Variants in NAPA observed in about 807,000 individuals in gnomAD.
The protein encoded by NAPA is NSF attachment protein alpha.
NAPA carries 18 observed loss-of-function variants against 48.0 expected under a neutral mutation model. That is an observed-to-expected ratio of 0.38 (90% CI 0.26 to 0.56). NAPA has a LOEUF of 0.56. Ranked by LOEUF, NAPA falls within the 20% of genes least tolerant of loss-of-function variation. The pLI, the probability that NAPA is intolerant of heterozygous loss-of-function variation, is 0.77. For missense variants in NAPA, 315 were observed against 385.0 expected, an observed-to-expected ratio of 0.82 and a Z score of 1.52; for synonymous variants, 152 against 149.9, an observed-to-expected ratio of 1.01 and a Z score of -0.10.
chr19:47,491,586 T>C (rs1367276213), intron 8 of NAPA: 2 of 158,616 alleles, frequency 1.3e-5, no homozygotes, highest in Admixed American at 6.2e-5. Context: ...TAGGTGGGCA[T>C]GTGTGAGCTA....
downstream of NAPA, among the ~76,000 whole-genome samples, chr19:47,486,201 A>G (rs141850389): frequency 3.1e-3 from 477 of 152,240 alleles, 1 homozygote; most frequent in African/African-American, 0.011. Flanking sequence ...CTAAAAATAC[A>G]AAAATTAGCT....
At chr19:47,508,372 C>T (rs954295600) in intron 1 of NAPA, among the ~76,000 whole-genome samples, 6 of 152,230 alleles carry the variant, frequency 3.9e-5, no homozygotes, top group Non-Finnish European at 7.3e-5. Flanking sequence ...AGCTGCCTCC[C>T]GCCACTCTGC....
rs1297777479 is a variant in NAPA at position 47,493,433 on chromosome 19, ACT to A, written c.401_402del (p.Glu134ValfsTer49). 1 of 1,613,660 alleles carries A rather than the reference ACT, an allele frequency of 6.2e-7. No homozygotes were observed. The highest frequency in any genetic ancestry group is 2.2e-5 in the East Asian group (1 of 44,844). On this transcript the variant is annotated frameshift_variant, in exon 5 of 11. Coordinates refer to ENST00000263354, the MANE Select transcript of NAPA (RefSeq NM_003827.4). LOFTEE classifies it high-confidence loss of function. This position sits in a 1 kb window ranked among gnomAD's most constrained non-coding sequence, Gnocchi z 6.4. ...HISIAEIYETELVDIEKAIAH... is the reference protein window; with the variant it reads ...HISIAEIYETXLVDIEKAIAH... ...CCACTCACCTTCTCGATGTCCACCA[ACT>A]CTGTCTCATAGATCTCAGCAATGGA...
In NAPA at chr19:47,493,213, G is replaced by A; in HGVS notation, c.421-39C>T. On this transcript the variant is annotated intron_variant, in intron 5 of 10. Coordinates refer to ENST00000263354, the MANE Select transcript of NAPA (RefSeq NM_003827.4). The surrounding 1 kb of genome is among the most constrained non-coding windows in gnomAD (Gnocchi z 6.4). ...GGGGATGGGTTCCAGGGGAGGGCAG[G>A]GAAGGGAGAGGAGGCCTCCGTGAAG... The A allele has an allele frequency of 6.4e-7, 1 of 1,558,076 alleles. No individual in the cohort carries two copies. The highest frequency in any genetic ancestry group is 8.7e-7 in the Non-Finnish European group (1 of 1,146,480).
rs763610228 is a variant in NAPA at position 47,493,103 on chromosome 19, G to C, written c.476+16C>G. The C allele has an allele frequency of 1.2e-6, 2 of 1,613,914 alleles. No homozygotes were observed. The highest frequency in any genetic ancestry group is 3.3e-5 in the Admixed American group (2 of 60,014). ...GGCGGTCCCTGCGGGGCTGGGGCAG[G>C]CAGGAAGGGGGCTACCTGTTGGACT... On this transcript the variant is annotated intron_variant, in intron 6 of 10. Coordinates refer to ENST00000263354, the MANE Select transcript of NAPA (RefSeq NM_003827.4). This position sits in a 1 kb window ranked among gnomAD's most constrained non-coding sequence, Gnocchi z 6.4.
chr19:47,497,837 A>G (rs1023606314), intron 3 of NAPA, among the ~76,000 whole-genome samples: 1 of 152,274 alleles, frequency 6.6e-6, no homozygotes, highest in Non-Finnish European at 1.5e-5. Flanking sequence ...GGTACACAGT[A>G]GAAACCCAGT....
chr19:47,486,387 G>A (rs1390751948), downstream of NAPA, among the ~76,000 whole-genome samples: 1 of 152,038 alleles, frequency 6.6e-6, no homozygotes, highest in Non-Finnish European at 1.5e-5. Context: ...CCCCCAAAGG[G>A]TAGGAAACCT....
chr19:47,498,936 T>C (rs1968501486), intron 3 of NAPA, among the ~76,000 whole-genome samples: 1 of 152,204 alleles, frequency 6.6e-6, no homozygotes. Context: ...CTTTCAGAAC[T>C]GCCCCCTTTC....
intron 1 of NAPA, 116 bp downstream of exon 1, chr19:47,514,727 A>G: frequency 1.1e-6 from 1 of 932,160 alleles, no homozygotes; most frequent in South Asian, 1.5e-5. Flanking sequence ...ACCTTATTGC[A>G]GGTTCCTCTC....
intron 7 of NAPA, chr19:47,492,517 CT>C: frequency 5.2e-6 from 2 of 386,910 alleles, no homozygotes; most frequent in Non-Finnish European, 9.8e-6. Context: ...AGCTGCCTGC[CT>C]TTTTCTCGGC....
intron 1 of NAPA, among the ~76,000 whole-genome samples, chr19:47,512,504 T>G (rs1311849826): frequency 2.0e-5 from 3 of 152,136 alleles, no homozygotes; most frequent in Non-Finnish European, 2.9e-5. Flanking sequence ...CTGACTTAGC[T>G]GCTCCCTCCA....
intron 1 of NAPA, among the ~76,000 whole-genome samples, chr19:47,504,732 C>T (rs1352727288): frequency 6.6e-6 from 1 of 151,744 alleles, no homozygotes; most frequent in Non-Finnish European, 1.5e-5. Flanking sequence ...TTTACACATA[C>T]ACAGACACAC....
chr19:47,488,446 C>G, intron 10 of NAPA, 57 bp from the exon 11 acceptor site: 1 of 1,397,388 alleles, frequency 7.2e-7, no homozygotes, highest in Non-Finnish European at 1.0e-6. Flanking sequence ...AACCCTGCAG[C>G]CCAAGGGCAC....
intron 3 of NAPA, chr19:47,497,044 G>A (rs1968444816): frequency 6.8e-6 from 2 of 295,036 alleles, no homozygotes; most frequent in South Asian, 2.7e-5. Flanking sequence ...CCTAAATCCG[G>A]CAGTTTGAAG....
intron 9 of NAPA, among the ~76,000 whole-genome samples, chr19:47,490,126 TGTTGA>T (rs1043795235): frequency 1.4e-5 from 2 of 146,258 alleles, no homozygotes; most frequent in African/African-American, 5.1e-5. Flanking sequence ...GTTTGGTGTG[TGTTGA>T]GTTGCGTGTG....
At chr19:47,509,212 C>T (rs2037735) in intron 1 of NAPA, among the ~76,000 whole-genome samples, 29,870 of 151,354 alleles carry the variant, frequency 0.2, 3,599 homozygotes, top group African/African-American at 0.34. Context: ...GTTGCTATTA[C>T]ACAAAGGAAG....
chr19:47,497,198 T>A (rs1968450396), intron 3 of NAPA: 1 of 187,476 alleles, frequency 5.3e-6, no homozygotes, highest in African/African-American at 2.4e-5. Flanking sequence ...GGCCCCGGGC[T>A]GCTCACTGGT....
intron 1 of NAPA, among the ~76,000 whole-genome samples, 171 bp downstream of exon 1, chr19:47,514,672 T>A (rs1041590592): frequency 6.6e-6 from 1 of 152,112 alleles, no homozygotes; most frequent in Non-Finnish European, 1.5e-5. Context: ...CGGCCCAGGC[T>A]CTTGGCCCTC....
At chr19:47,489,549 C>T (rs1022601416) in intron 10 of NAPA, 162 bp downstream of exon 10, 10 of 772,610 alleles carry the variant, frequency 1.3e-5, no homozygotes, top group African/African-American at 7.0e-5. Flanking sequence ...CGCCTCTTGG[C>T]GCTACTTGTA....
Sources: allele counts gnomAD v4.1 joint callset (sites outside exome capture counted in the v4.1 genomes callset), GRCh38; gene constraint gnomAD v4.1.1; non-coding constraint Gnocchi (gnomAD v3.1); transcripts MANE v1.5; gene names NCBI Gene and HGNC (gene_info 2026-07-23, HGNC 2026-07-21).